The following SEMA4F variants were observed in gnomAD, a reference collection of about 807,000 sequenced individuals.
SEMA4F encodes the protein ssemaphorin 4F.
SEMA4F carries 51 observed loss-of-function variants against 78.4 expected under a neutral mutation model. That is an observed-to-expected ratio of 0.65 (90% CI 0.52 to 0.82). The LOEUF is 0.82. Ranked by LOEUF, SEMA4F falls within the 40% of genes least tolerant of loss-of-function variation. SEMA4F has a pLI of 0.00. For synonymous variants in SEMA4F, 418 were observed against 408.7 expected (o/e 1.02, Z -0.27); for missense variants, 938 against 1,014.4 (o/e 0.92, Z 1.02).
At chr2:74,693,481 T>G in the SEMA4F span, among the ~76,000 whole-genome samples, 1 of 152,246 alleles carries the variant, frequency 6.6e-6, no homozygotes, top group Non-Finnish European at 1.5e-5. Context: ...GCATTACCTC[T>G]AACACTAACA....
At chr2:74,657,417 G>A (rs1428512985) in intron 2 of SEMA4F, 148 bp from the exon 3 acceptor site, 2 of 632,914 alleles carry the variant, frequency 3.2e-6, no homozygotes, top group Non-Finnish European at 5.7e-6. Flanking sequence ...ATTAATGGGT[G>A]GGGACCTCCA....
At chr2:74,667,881 A>C (rs1684775929) in intron 5 of SEMA4F, among the ~76,000 whole-genome samples, 1 of 152,100 alleles carries the variant, frequency 6.6e-6, no homozygotes, top group African/African-American at 2.4e-5. Flanking sequence ...CTGCATTCTG[A>C]TGGCTCCCAA....
intron 12 of SEMA4F, 27 bp downstream of exon 12, chr2:74,675,936 C>G (rs1264068844): frequency 1.3e-6 from 2 of 1,594,342 alleles, no homozygotes; most frequent in East Asian, 2.2e-5. Context: ...GGATTTCTTG[C>G]TTACTGTGCC....
chr2:74,672,662 C>G (rs1460712479), intron 5 of SEMA4F, among the ~76,000 whole-genome samples: 3 of 152,150 alleles, frequency 2.0e-5, no homozygotes, highest in African/African-American at 4.8e-5. Context: ...ACCCACAGAG[C>G]TGAACCCCCC....
At chr2:74,683,929 C>T (rs1274918347), downstream of SEMA4F, 7 of 152,124 alleles carry the variant, frequency 4.6e-5, no homozygotes, top group East Asian at 1.9e-4. Flanking sequence ...GGAGCATATG[C>T]GTGATGAACC....
chr2:74,668,780 C>T (rs1171724598), intron 5 of SEMA4F, among the ~76,000 whole-genome samples: 3 of 151,808 alleles, frequency 2.0e-5, no homozygotes, highest in African/African-American at 7.3e-5. Flanking sequence ...CAGGCATGCA[C>T]TGCCATGCCC....
chr2:74,677,248 A>C (rs1027868485), intron 12 of SEMA4F, among the ~76,000 whole-genome samples: 2 of 152,176 alleles, frequency 1.3e-5, no homozygotes, highest in Non-Finnish European at 2.9e-5. Context: ...AATCATATCC[A>C]AAAGTAGAGA....
At position 74,656,697 on chromosome 2, in the gene SEMA4F, G is replaced by C; in HGVS notation, c.297+12G>C. The C allele has an allele frequency of 6.2e-7, 1 of 1,613,956 alleles. No homozygotes were observed. The highest frequency in any genetic ancestry group is 1.1e-5 in the South Asian group (1 of 91,078). On this transcript the variant is annotated intron_variant, in intron 2 of 13. Coordinates refer to ENST00000357877, the MANE Select transcript of SEMA4F (RefSeq NM_004263.5). ...AGAGACCCCGCAGGGTGAGAGACAA[G>C]AGAGGGAAGGACCCCTGACCCTGTA...
At chr2:74,675,983 C>G in intron 12 of SEMA4F, 74 bp downstream of exon 12, 1 of 1,476,980 alleles carries the variant, frequency 6.8e-7, no homozygotes, top group Non-Finnish European at 9.1e-7. Flanking sequence ...CGTTTCTCAT[C>G]TGTTAATGCT....
downstream of SEMA4F, among the ~76,000 whole-genome samples, chr2:74,688,485 A>G (rs1685862446): frequency 6.6e-6 from 1 of 152,266 alleles, no homozygotes; most frequent in Non-Finnish European, 1.5e-5. Flanking sequence ...TAACAGGCTA[A>G]CATTACAAGG....
chr2:74,668,554 A>C (rs1472838743), intron 5 of SEMA4F, among the ~76,000 whole-genome samples: 1 of 152,010 alleles, frequency 6.6e-6, no homozygotes, highest in Non-Finnish European at 1.5e-5. Context: ...AAAATATCTG[A>C]CTATGAGAAG....
At chr2:74,669,696 G>A (rs557031098) in intron 5 of SEMA4F, among the ~76,000 whole-genome samples, 1 of 152,266 alleles carries the variant, frequency 6.6e-6, no homozygotes, top group East Asian at 1.9e-4. Flanking sequence ...GCATTTTGAT[G>A]CCAGAATAGA....
chr2:74,675,994 G>GC (rs35506716), intron 12 of SEMA4F, 85 bp downstream of exon 12: 54 of 1,443,278 alleles, frequency 3.7e-5, no homozygotes, highest in Non-Finnish European at 5.0e-5. Flanking sequence ...TGTTAATGCT[G>GC]CCCTGCCGGA....
chr2:74,678,815 CAAG>C (rs1236852930), intron 12 of SEMA4F, among the ~76,000 whole-genome samples: 2 of 152,110 alleles, frequency 1.3e-5, no homozygotes, highest in East Asian at 3.8e-4. Context: ...TTTTAGGAAA[CAAG>C]AAGTCACCTC....
intron 5 of SEMA4F, among the ~76,000 whole-genome samples, chr2:74,665,844 T>G (rs1684663584): frequency 6.6e-6 from 1 of 152,180 alleles, no homozygotes; most frequent in Non-Finnish European, 1.5e-5. Context: ...AATGACTTCT[T>G]ACTTGCAACA....
intron 4 of SEMA4F, among the ~76,000 whole-genome samples, chr2:74,661,185 G>A (rs1385787503): frequency 6.6e-6 from 1 of 152,226 alleles, no homozygotes; most frequent in Non-Finnish European, 1.5e-5. Context: ...AGAAATGTAA[G>A]GCAGTAGTTA....
chr2:74,671,227 C>A (rs1684969119), intron 5 of SEMA4F, among the ~76,000 whole-genome samples: 1 of 152,180 alleles, frequency 6.6e-6, no homozygotes, highest in African/African-American at 2.4e-5. Context: ...GTCTCACTTC[C>A]CCACCCCAAA....
At chr2:74,690,282 A>T in the SEMA4F span, among the ~76,000 whole-genome samples, 1 of 152,240 alleles carries the variant, frequency 6.6e-6, no homozygotes, top group Non-Finnish European at 1.5e-5. Flanking sequence ...TTCCACTGTT[A>T]TAAAATTGTG....
At chr2:74,660,323 C>T (rs745723617) in intron 4 of SEMA4F, among the ~76,000 whole-genome samples, 3 of 152,242 alleles carry the variant, frequency 2.0e-5, no homozygotes, top group Non-Finnish European at 4.4e-5. Context: ...AGCCTGCAGC[C>T]CAGAAGACCT....
Sources: gnomAD v4.1 joint callset for allele counts (sites outside exome capture counted in the v4.1 genomes callset) on GRCh38, gnomAD v4.1.1 for gene constraint, MANE v1.5 for transcripts, NCBI Gene and HGNC (gene_info 2026-07-23, HGNC 2026-07-21) for gene names.